RGS6: variants seen among roughly 807,000 people sequenced by gnomAD.
The protein encoded by RGS6 is regulator of G protein signaling 6, also known as regulator of G-protein signaling 6.
A neutral mutation model predicts 78.5 loss-of-function variants in RGS6; 30 were observed. The observed-to-expected ratio is 0.38, with a 90% confidence interval of 0.29 to 0.52. RGS6 has a LOEUF of 0.52. RGS6 is among the 20% of genes least tolerant of loss of function. The probability of loss-of-function intolerance (pLI) is 0.85; values close to 1 mark genes in which losing one functional copy is unlikely to be tolerated. For missense variants in RGS6, 495 were observed against 609.7 expected (o/e 0.81, Z 1.98); for synonymous variants, 206 against 206.0 (o/e 1.00, Z 0.00).
In RGS6 at chr14:72,254,646, T is replaced by C. The variant is rs2056661558; in HGVS notation, c.85-97449T>C. The stretch of plus-strand genomic sequence containing the variant: ...ACCACTGATATTTCTAGAAAGTTCC[T>C]ATTCACAGGGGACTCTTTTCTCCCT... On this transcript the variant is annotated intron_variant, in intron 2 of 17. Coordinates refer to ENST00000553525, the MANE Select transcript of RGS6 (RefSeq NM_001204424.2). Among the ~76,000 whole-genome samples the C allele has an allele frequency of 1.3e-5, 2 of 152,160 alleles. 1 individual carries two copies. The highest frequency in any genetic ancestry group is 4.1e-4 in the South Asian group (2 of 4,826).
chr14:72,529,254 C>T (rs945085847), intron 15 of RGS6, among the ~76,000 whole-genome samples: 24 of 152,252 alleles, frequency 1.6e-4, no homozygotes, highest in African/African-American at 5.5e-4. Context: ...GTGAGAGATC[C>T]GCAGAGGTTC....
chr14:72,556,720 A>AG (rs1020322338), intron 17 of RGS6, among the ~76,000 whole-genome samples: 3 of 151,914 alleles, frequency 2.0e-5, no homozygotes, highest in African/African-American at 7.3e-5. Context: ...CAAGAAAAAA[A>AG]AATCCATTAC....
At chr14:72,190,623 G>GA (rs1197758141) in intron 2 of RGS6, among the ~76,000 whole-genome samples, 3 of 152,314 alleles carry the variant, frequency 2.0e-5, no homozygotes, top group Admixed American at 6.5e-5. Flanking sequence ...GGCTTTCAGG[G>GA]ATGAGATGTG....
At chr14:72,446,252 T>C (rs2095360642) in intron 3 of RGS6, among the ~76,000 whole-genome samples, 1 of 152,178 alleles carries the variant, frequency 6.6e-6, no homozygotes, top group Admixed American at 6.5e-5. Context: ...TCCAGAACCA[T>C]AGACAATAAA....
chr14:71,949,180 C>A (rs2152988092), intron 1 of RGS6, among the ~76,000 whole-genome samples: 1 of 152,272 alleles, frequency 6.6e-6, no homozygotes, highest in Middle Eastern at 3.4e-3. Flanking sequence ...TTGATATACA[C>A]ACCTAAGACT....
intron 2 of RGS6, among the ~76,000 whole-genome samples, chr14:71,985,400 C>T (rs938815513): frequency 6.6e-6 from 1 of 152,148 alleles, no homozygotes; most frequent in African/African-American, 2.4e-5. Context: ...GGGATTACAG[C>T]TGTGAGCCAC....
intron 3 of RGS6, among the ~76,000 whole-genome samples, chr14:72,399,514 C>T (rs1294067243): frequency 1.3e-5 from 2 of 152,130 alleles, no homozygotes; most frequent in African/African-American, 4.8e-5. Flanking sequence ...TTAATTAGAG[C>T]ATTTGGCCCA....
intron 17 of RGS6, among the ~76,000 whole-genome samples, chr14:72,548,371 G>GTT (rs1027798510): frequency 7.3e-5 from 11 of 151,140 alleles, no homozygotes; most frequent in African/African-American, 2.2e-4. Context: ...GTGTGTGTGT[G>GTT]TTTTAAATTC....
the RGS6 span, among the ~76,000 whole-genome samples, chr14:72,607,395 G>C: frequency 6.6e-6 from 1 of 152,214 alleles, no homozygotes; most frequent in African/African-American, 2.4e-5. Context: ...TTCACATGGT[G>C]AAGGGGCAAG....
chr14:72,414,093 T>C (rs910547607), intron 3 of RGS6, among the ~76,000 whole-genome samples: 1 of 152,218 alleles, frequency 6.6e-6, no homozygotes, highest in African/African-American at 2.4e-5. Flanking sequence ...TTCTCTGTAT[T>C]TCCTGAATTT....
intron 2 of RGS6, among the ~76,000 whole-genome samples, chr14:72,113,860 G>A (rs2095828333): frequency 6.6e-6 from 1 of 152,190 alleles, no homozygotes; most frequent in Non-Finnish European, 1.5e-5. Context: ...TCATAATGAG[G>A]CTATGGCAAG....
intron 1 of RGS6, among the ~76,000 whole-genome samples, chr14:71,937,089 A>C (rs1176966755): frequency 1.3e-5 from 2 of 152,200 alleles, no homozygotes; most frequent in African/African-American, 4.8e-5. Context: ...TTCCATATGT[A>C]GTCTTCCTTA....
At chr14:72,385,684 A>G (rs931041204) in intron 3 of RGS6, among the ~76,000 whole-genome samples, 1 of 152,184 alleles carries the variant, frequency 6.6e-6, no homozygotes, top group Non-Finnish European at 1.5e-5. Context: ...CCAGGACATT[A>G]GTCAGTGTGT....
intron 3 of RGS6, among the ~76,000 whole-genome samples, chr14:72,422,462 A>C (rs1289561643): frequency 6.6e-6 from 1 of 152,168 alleles, no homozygotes. Flanking sequence ...GGGGAAAACA[A>C]ATCTAGAGAA....
At chr14:72,283,239 C>T (rs73302900) in intron 2 of RGS6, among the ~76,000 whole-genome samples, 5 of 152,062 alleles carry the variant, frequency 3.3e-5, no homozygotes, top group Admixed American at 6.5e-5. Flanking sequence ...TGAACTTGGG[C>T]GTGCAAATAT....
intron 2 of RGS6, among the ~76,000 whole-genome samples, chr14:72,242,789 T>A (rs1421365441): frequency 2.7e-5 from 4 of 150,598 alleles, no homozygotes; most frequent in East Asian, 1.9e-4. Flanking sequence ...TTTTCAAAAA[T>A]TTTTTAAACA....
At chr14:72,189,735 T>G (rs546960261) in intron 2 of RGS6, among the ~76,000 whole-genome samples, 1 of 152,162 alleles carries the variant, frequency 6.6e-6, no homozygotes, top group Admixed American at 6.5e-5. Flanking sequence ...GATTTATGAG[T>G]GTCGTCACTC....
chr14:72,304,759 G>T (rs2066862749), intron 2 of RGS6, among the ~76,000 whole-genome samples: 1 of 152,008 alleles, frequency 6.6e-6, no homozygotes, highest in Non-Finnish European at 1.5e-5. Flanking sequence ...TGTGTCTGTG[G>T]TCCCAGGCTA....
intron 1 of RGS6, among the ~76,000 whole-genome samples, chr14:71,937,605 A>G (rs545780851): frequency 2.8e-4 from 42 of 152,280 alleles, no homozygotes; most frequent in African/African-American, 9.4e-4. Flanking sequence ...GCATGGTAAG[A>G]CCAGTGAATT....
Sources: gnomAD v4.1 joint callset for allele counts (sites outside exome capture counted in the v4.1 genomes callset) on GRCh38, gnomAD v4.1.1 for gene constraint, MANE v1.5 for transcripts, NCBI Gene and HGNC (gene_info 2026-07-23, HGNC 2026-07-21) for gene names.